The following ANKRD50 variants were observed in gnomAD, a reference collection of about 807,000 sequenced individuals.
The protein encoded by ANKRD50 is ankyrin repeat domain 50, also known as ankyrin repeat domain-containing protein 50.
Under a neutral mutation model 112.0 loss-of-function variants are expected in ANKRD50, and 40 were observed. That is an observed-to-expected ratio of 0.36 (90% CI 0.28 to 0.46). The LOEUF (loss-of-function observed/expected upper bound fraction) is 0.46. Ranked by LOEUF, ANKRD50 falls within the 20% of genes least tolerant of loss-of-function variation. The pLI, the probability that ANKRD50 is intolerant of heterozygous loss-of-function variation, is 1.00. For synonymous variants in ANKRD50, 613 were observed against 619.1 expected (o/e 0.99, Z 0.15); for missense variants, 1,487 against 1,701.7 (o/e 0.87, Z 2.22).
At chr4:124,680,632 G>A (rs950421829) in intron 2 of ANKRD50, among the ~76,000 whole-genome samples, 1 of 152,040 alleles carries the variant, frequency 6.6e-6, no homozygotes, top group Non-Finnish European at 1.5e-5. Context: ...AATCAGTAAC[G>A]TAGTCATATA....
rs1301730573 is a variant in ANKRD50, at chr4:124,669,540, T to C, written c.3737A>G (p.His1246Arg). Residue 1246 changes from histidine (H) to arginine (R), a missense_variant, in exon 4 of 5, where the codon CAT (histidine) becomes CGT (arginine). By Grantham distance (29) the His-to-Arg change is conservative (BLOSUM62 0). Around this residue, in one of 2 missense-constraint regions of ANKRD50, gnomAD observed 441 missense variants for 432.2 expected, o/e 1.02. Transcript: ENST00000504087. ...CTCAAATTCACTACTTGGTGAATTA[T>C]GACTCTGTCCTAAGGACTGTGTTGT... is the stretch of plus-strand genomic sequence containing the variant. The part of the protein sequence containing the change: ...SSTTQSLGQS[H>R]NSPSSEFEWS... 1 of 1,613,054 alleles carries C rather than the reference T, an allele frequency of 6.2e-7. No homozygotes were observed. The highest frequency in any genetic ancestry group is 8.5e-7 in the Non-Finnish European group (1 of 1,179,752).
chr4:124,695,052 AG>A (rs1408454455), intron 2 of ANKRD50, among the ~76,000 whole-genome samples: 1 of 152,182 alleles, frequency 6.6e-6, no homozygotes, highest in Admixed American at 6.5e-5. Context: ...TATTTAACAA[AG>A]GTACATATCC....
In ANKRD50 at chr4:124,678,674, A is replaced by G; in HGVS notation, c.742+2T>C. The G allele has an allele frequency of 6.2e-7, 1 of 1,610,400 alleles. No individual in the cohort carries two copies. The highest frequency in any genetic ancestry group is 8.5e-7 in the Non-Finnish European group (1 of 1,176,978). On this transcript the variant is annotated splice_donor_variant, in intron 3 of 4. Transcript: ENST00000504087. LOFTEE classifies it high-confidence loss of function. ...AGGATGGCAGTAAGTAATTATGCTTACCAGTAAACATTTTAGTAACAGCCT... is the reference window on the plus strand; with the variant it reads ...AGGATGGCAGTAAGTAATTATGCTTGCCAGTAAACATTTTAGTAACAGCCT...
intron 2 of ANKRD50, among the ~76,000 whole-genome samples, chr4:124,686,409 C>T (rs191362296): frequency 1.1e-4 from 16 of 152,288 alleles, no homozygotes; most frequent in African/African-American, 3.8e-4. Context: ...TTCACACTCG[C>T]TTGCTGCCTT....
At chr4:124,696,348 A>G (rs1725251695) in intron 2 of ANKRD50, among the ~76,000 whole-genome samples, 1 of 152,136 alleles carries the variant, frequency 6.6e-6, no homozygotes, top group African/African-American at 2.4e-5. Flanking sequence ...GAGAAAAGAC[A>G]GAGAAAACAG....
At chr4:124,696,058 G>A (rs886145538) in intron 2 of ANKRD50, among the ~76,000 whole-genome samples, 1 of 151,982 alleles carries the variant, frequency 6.6e-6, no homozygotes, top group African/African-American at 2.4e-5. Flanking sequence ...AGAGATAATA[G>A]ATGCAGACGA....
In ANKRD50 at chr4:124,667,469, G is replaced by A. The variant is rs1480703857; in HGVS notation, c.*49C>T. ...AGGCATATGTTTCCATCCAGTAGCT[G>A]AAGAACCACTCCATCACAATGTCTT... On this transcript the variant is annotated 3_prime_UTR_variant, in exon 5 of 5. Transcript: ENST00000504087. The A allele has an allele frequency of 6.6e-6, 1 of 151,848 alleles. No homozygotes were observed. Among genetic ancestry groups the A allele is most frequent in the African/African-American group, 2.4e-5 (1 of 41,354 alleles). The allele number at this position is 151,848 out of a possible 1,614,324, so 9.4% of individuals were successfully genotyped here.
Position 124,670,861 on chromosome 4 carries a change from C to T in ANKRD50, c.2416G>A (p.Ala806Thr). The T allele has an allele frequency of 6.2e-7, 1 of 1,613,870 alleles. No individual in the cohort carries two copies. ...CCTTCACTATCAATACTATCCACAG[C>T]TGCACCCCAAAACAAAAGTGTATTT... The part of the protein sequence containing the change: ...VVNTLLFWGA[A>T]VDSIDSEGRT... Residue 806 changes from alanine to threonine, a missense_variant, in exon 4 of 5, where the codon GCT becomes ACT. Physicochemically the swap from Ala to Thr is moderately conservative, Grantham distance 58. Around this residue, in one of 2 missense-constraint regions of ANKRD50, gnomAD observed 1,046 missense variants for 1,269.5 expected, o/e 0.82. Transcript: ENST00000504087.
At chr4:124,681,319 C>T (rs886371899) in intron 2 of ANKRD50, among the ~76,000 whole-genome samples, 1 of 152,154 alleles carries the variant, frequency 6.6e-6, no homozygotes, top group Non-Finnish European at 1.5e-5. Flanking sequence ...GAAAGGTAAT[C>T]AAGGCACAAG....
At position 124,710,225 on chromosome 4, in the gene ANKRD50, G is replaced by A. The variant is rs768148199; in HGVS notation, c.287C>T (p.Pro96Leu). 14 of 1,614,108 alleles carry A rather than the reference G, an allele frequency of 8.7e-6. No homozygotes were observed. The highest frequency in any genetic ancestry group is 3.3e-5 in the Admixed American group (2 of 60,000). Residue 96 changes from proline to leucine, a missense_variant, in exon 2 of 5, where the codon CCT (proline) becomes CTT (leucine). Pro to Leu is a moderately conservative substitution (Grantham distance 98). Coordinates refer to ENST00000504087, the MANE Select transcript of ANKRD50 (RefSeq NM_020337.3). The part of the protein sequence containing the change: ...LCTELLWPSS[P>L]ASLQRGLHRQ... The stretch of plus-strand genomic sequence containing the variant: ...ATGTAAACCTCTCTGCAAACTTGCA[G>A]GTGAACTTGGCCATAAGAGTTCAGT...
intron 2 of ANKRD50, among the ~76,000 whole-genome samples, chr4:124,681,438 T>C (rs535212807): frequency 6.6e-6 from 1 of 152,250 alleles, no homozygotes; most frequent in African/African-American, 2.4e-5. Context: ...GCCTGGGACA[T>C]TCCCAGTTTC....
rs3733472 is a variant in ANKRD50 at position 124,671,285 on chromosome 4, T to C, written c.1992A>G (p.Leu664=). The C allele has an allele frequency of 0.055, 88,785 of 1,613,790 alleles. 2,664 individuals carry two copies. Among genetic ancestry groups the C allele is most frequent in the Middle Eastern group, 0.077 (466 of 6,060 alleles). Residue 664 remains leucine, a synonymous_variant, in exon 4 of 5, where the codon CTA becomes CTG. Transcript: ENST00000504087. The part of the protein sequence containing the change: ...GGHEDIVLNL[L]QHGAEVNKAD... The stretch of plus-strand genomic sequence containing the variant: ...CTTTGTTCACTTCAGCGCCATGTTG[T>C]AGCAAATTCAGTACAATATCCTCGT...
At chr4:124,702,287 A>T (rs1317359732) in intron 2 of ANKRD50, among the ~76,000 whole-genome samples, 1 of 152,244 alleles carries the variant, frequency 6.6e-6, no homozygotes, top group Non-Finnish European at 1.5e-5. Context: ...ACTGTGAGAA[A>T]AATGAATGAA....
chr4:124,667,086 G>A lies in ANKRD50; in HGVS notation c.*432C>T, dbSNP rs1455819401. Reference sequence around the variant, plus strand: ...AACAGGCCATACACTACAATGCAATGTGACTGAAACAGTATGTTTAAGTTT... The same window carrying A: ...AACAGGCCATACACTACAATGCAATATGACTGAAACAGTATGTTTAAGTTT... On this transcript the variant is annotated 3_prime_UTR_variant, in exon 5 of 5. Coordinates refer to ENST00000504087, the MANE Select transcript of ANKRD50 (RefSeq NM_020337.3). 1 of 151,800 alleles carries A rather than the reference G, an allele frequency of 6.6e-6. No individual in the cohort carries two copies. The highest frequency in any genetic ancestry group is 1.5e-5 in the Non-Finnish European group (1 of 67,900). The allele number at this position is 151,800 out of a possible 1,614,324, so 9.4% of individuals were successfully genotyped here. A position where few individuals can be genotyped will look rare whatever the true frequency, so the allele number is the denominator to read the frequency against.
intron 2 of ANKRD50, among the ~76,000 whole-genome samples, chr4:124,703,692 C>CA (rs1460068363): frequency 6.7e-6 from 1 of 148,904 alleles, no homozygotes; most frequent in African/African-American, 2.5e-5. Context: ...CAAGAAAAAG[C>CA]AAAAATCTGG....
Position 124,669,382 on chromosome 4 carries a change from A to G in ANKRD50, c.3895T>C (p.Tyr1299His). Residue 1299 changes from tyrosine (Y) to histidine (H), a missense_variant, in exon 4 of 5, where the codon TAT (tyrosine) becomes CAT (histidine). Tyr to His is a moderately conservative substitution (Grantham distance 83). Around this residue, in one of 2 missense-constraint regions of ANKRD50, gnomAD observed 441 missense variants for 432.2 expected, o/e 1.02. Coordinates refer to ENST00000504087, the MANE Select transcript of ANKRD50 (RefSeq NM_020337.3). ...SNSSQPKVLE[Y>H]EMTQFDRRGP... ...CTTCTATCAAACTGAGTCATTTCATATTCTAAAACCTTTGGCTGTGAAGAA... is the reference window on the plus strand; with the variant it reads ...CTTCTATCAAACTGAGTCATTTCATGTTCTAAAACCTTTGGCTGTGAAGAA... 6.2e-7 allele frequency: 1 copy of G among 1,613,654 alleles called. No homozygotes were observed. The highest frequency in any genetic ancestry group is 8.5e-7 in the Non-Finnish European group (1 of 1,179,800).
chr4:124,680,502 G>A (rs1159622797), intron 2 of ANKRD50, among the ~76,000 whole-genome samples: 4 of 152,178 alleles, frequency 2.6e-5, no homozygotes, highest in Admixed American at 1.3e-4. Flanking sequence ...TACTGCTACA[G>A]GAGGGTAGAG....
chr4:124,694,023 C>T (rs1725197020), intron 2 of ANKRD50, among the ~76,000 whole-genome samples: 1 of 152,096 alleles, frequency 6.6e-6, no homozygotes, highest in Non-Finnish European at 1.5e-5. Flanking sequence ...CCCAATATAT[C>T]TTGTCTTATT....
At chr4:124,704,624 T>TTAA in intron 2 of ANKRD50, among the ~76,000 whole-genome samples, 1 of 152,322 alleles carries the variant, frequency 6.6e-6, no homozygotes, top group Middle Eastern at 3.4e-3. Flanking sequence ...TTCACACATA[T>TTAA]TCTAGATAGG....
Sources: allele counts gnomAD v4.1 joint callset (sites outside exome capture counted in the v4.1 genomes callset), GRCh38; gene constraint gnomAD v4.1.1; regional missense constraint gnomAD v4.1.1; transcripts MANE v1.5; gene names NCBI Gene and HGNC (gene_info 2026-07-23, HGNC 2026-07-21).